Variants in IRF7 observed in about 807,000 individuals in gnomAD.
IRF7 encodes the protein interferon regulatory factor 7.
Under a neutral mutation model 51.3 loss-of-function variants are expected in IRF7, and 67 were observed. That is an observed-to-expected ratio of 1.31 (90% CI 1.07 to 1.60). IRF7 has a LOEUF of 1.60. IRF7 is among the 40% of genes most tolerant of loss of function. IRF7 has a pLI of 0.00. For missense variants in IRF7, 873 were observed against 701.5 expected (o/e 1.24, Z -2.76); for synonymous variants, 427 against 301.3 (o/e 1.42, Z -4.32).
intron 7 of IRF7, 38 bp from the exon 8 acceptor site, chr11:613,903 C>T (rs761923695): frequency 5.6e-6 from 9 of 1,598,752 alleles, no homozygotes; most frequent in African/African-American, 2.7e-5. Context: ...GCACCTCATC[C>T]CTAGCCTCTC....
At position 615,117 on chromosome 11, in the gene IRF7, C is replaced by T. The variant is rs1196559888; in HGVS notation, c.163G>A (p.Ala55Thr). The change falls in exon 3 of 11, where the codon GCC becomes ACC. Residue 55 changes from alanine (A) to threonine (T), a missense_variant. By Grantham distance (58) the Ala-to-Thr change is moderately conservative. Coordinates refer to ENST00000525445, the MANE Select transcript of IRF7 (RefSeq NM_001572.5). The stretch of plus-strand genomic sequence containing the variant: ...CCCACCTTGAAGATGCGCGCGTCGG[C>T]CTCGCTCAGGTCCTTGCGCGCGAAG... ...KHFARKDLSE[A>T]DARIFKAWAV... 6.9e-6 allele frequency: 11 copies of T among 1,597,172 alleles called. No individual in the cohort carries two copies. The East Asian group carries it at 2.2e-4, about 33-fold the overall frequency.
chr11:614,585 C>T (rs370042348), intron 4 of IRF7, 51 bp from the exon 5 acceptor site: 4 of 1,542,096 alleles, frequency 2.6e-6, no homozygotes, highest in African/African-American at 1.4e-5. Context: ...GTGAGAGATA[C>T]AAGGAGAGCC....
intron 8 of IRF7, 48 bp downstream of exon 8, chr11:613,737 T>G (rs766069242): frequency 4.0e-6 from 4 of 1,000,066 alleles, no homozygotes; most frequent in Admixed American, 7.0e-5. Flanking sequence ...AAGCCGTGAG[T>G]GACGGGGGTG....
intron 3 of IRF7, 22 bp from the exon 4 acceptor site, chr11:615,029 G>C: frequency 1.3e-6 from 2 of 1,546,262 alleles, no homozygotes; most frequent in Non-Finnish European, 1.7e-6. Context: ...GACAGAACAC[G>C]TGTGCCGGGC....
chr11:613,829 T>TCTGCCTGGTGC lies in IRF7; in HGVS notation c.792_802dup (p.Glu268GlyfsTer28). 1 of 1,592,960 alleles carries TCTGCCTGGTGC rather than the reference T, an allele frequency of 6.3e-7. No individual in the cohort carries two copies. The highest frequency in any genetic ancestry group is 8.5e-7 in the Non-Finnish European group (1 of 1,173,098). On this transcript the variant is annotated frameshift_variant, in exon 8 of 11. Transcript: ENST00000525445. LOFTEE classifies it high-confidence loss of function. Reference sequence around the variant, plus strand: ...GCTTGGGGAGGGTGACAGGTACGGCTCTGCCTGGTGCGGGGACTCTGGGGC... The same window carrying TCTGCCTGGTGC: ...GCTTGGGGAGGGTGACAGGTACGGCTCTGCCTGGTGCCTGCCTGGTGCGGGGACTCTGGGGC...
At position 614,343 on chromosome 11, in the gene IRF7, G is replaced by T. The variant is rs747395854; in HGVS notation, c.510C>A (p.Gly170=). ...AHTHAGLQAP[G]PLPAPAGDKG... ...TGTCACCAGCTGGGGCAGGGAGGGG[G>T]CCTGGGGCTTGGAGTCCAGCATGTG... Residue 170 remains glycine (G), a synonymous_variant, in exon 6 of 11, where the codon GGC becomes GGA. Coordinates refer to ENST00000525445, the MANE Select transcript of IRF7 (RefSeq NM_001572.5). 6.2e-7 allele frequency: 1 copy of T among 1,610,662 alleles called. No homozygotes were observed. The highest frequency in any genetic ancestry group is 8.5e-7 in the Non-Finnish European group (1 of 1,179,244).
rs751249139 is a variant in IRF7 at position 613,444 on chromosome 11, G to A, written c.999C>T (p.Ser333=). Residue 333 remains serine, a synonymous_variant, in exon 9 of 11, where the codon AGC becomes AGT. Transcript: ENST00000525445. ...ATDPQQVAFP[S]PAELPDQKQL... Reference sequence around the variant, plus strand: ...GCTTCTGGTCCGGGAGCTCGGCAGGGCTGGGGAATGCTACCTGCTGGGGGT... The same window carrying A: ...GCTTCTGGTCCGGGAGCTCGGCAGGACTGGGGAATGCTACCTGCTGGGGGT... 3 of 1,553,878 alleles carry A rather than the reference G, an allele frequency of 1.9e-6. No homozygotes were observed. Among genetic ancestry groups the A allele is most frequent in the Admixed American group, 3.9e-5 (2 of 51,212 alleles).
Position 614,814 on chromosome 11 carries a change from C to CG in IRF7, c.376dup (p.Arg126ProfsTer15). 1 of 1,550,172 alleles carries CG rather than the reference C, an allele frequency of 6.5e-7. No individual in the cohort carries two copies. Among genetic ancestry groups the CG allele is most frequent in the Non-Finnish European group, 8.7e-7 (1 of 1,148,292 alleles). On this transcript the variant is annotated frameshift_variant, in exon 4 of 11. Coordinates refer to ENST00000525445, the MANE Select transcript of IRF7 (RefSeq NM_001572.5). LOFTEE classifies it high-confidence loss of function. ...TCGCTCACCTCGCCAGCACAGCTCCCGGCTGAGCGCGTACACCTTGTGCGG... is the reference window on the plus strand; with the variant it reads ...TCGCTCACCTCGCCAGCACAGCTCCCGGGCTGAGCGCGTACACCTTGTGCGG...
In IRF7 at chr11:612,576, A is replaced by G; in HGVS notation, c.*69T>C. On this transcript the variant is annotated 3_prime_UTR_variant, in exon 11 of 11. Transcript: ENST00000525445. Reference sequence around the variant, plus strand: ...TACGTGTTCTGGAGTTCTTTTTATTAGACTGGGCGGCCGCGGCCAGCTCTA... The same window carrying G: ...TACGTGTTCTGGAGTTCTTTTTATTGGACTGGGCGGCCGCGGCCAGCTCTA... 1.3e-6 allele frequency: 2 copies of G among 1,567,866 alleles called. No individual in the cohort carries two copies. The highest frequency in any genetic ancestry group is 2.2e-5 in the South Asian group (2 of 89,972).
Position 613,325 on chromosome 11 carries a change from T to G in IRF7, c.1118A>C (p.Lys373Thr), listed in dbSNP as rs776600480. The change falls in exon 9 of 11, where the codon AAG (lysine) becomes ACG (threonine). Residue 373 changes from lysine (K) to threonine (T), a missense_variant. Physicochemically the swap from Lys to Thr is moderately conservative, Grantham distance 78. Coordinates refer to ENST00000525445, the MANE Select transcript of IRF7 (RefSeq NM_001572.5). ...GPQLWARRMG[K>T]CKVYWEVGGP... Reference sequence around the variant, plus strand: ...GCCCACCTCCCAGTACACCTTGCACTTGCCCATGCGCCGGGCCCACAGCTG... The same window carrying G: ...GCCCACCTCCCAGTACACCTTGCACGTGCCCATGCGCCGGGCCCACAGCTG... 12 of 1,611,686 alleles carry G rather than the reference T, an allele frequency of 7.4e-6. No homozygotes were observed. Among genetic ancestry groups the G allele is most frequent in the Middle Eastern group, 1.6e-4 (1 of 6,078 alleles).
chr11:612,579 C>G lies in IRF7; in HGVS notation c.*66G>C. The G allele has an allele frequency of 6.3e-7, 1 of 1,576,982 alleles. No homozygotes were observed. Among genetic ancestry groups the G allele is most frequent in the South Asian group, 1.1e-5 (1 of 90,236 alleles). On this transcript the variant is annotated 3_prime_UTR_variant, in exon 11 of 11. Coordinates refer to ENST00000525445, the MANE Select transcript of IRF7 (RefSeq NM_001572.5). ...GTGTTCTGGAGTTCTTTTTATTAGA[C>G]TGGGCGGCCGCGGCCAGCTCTAGGT...
In IRF7 at chr11:614,792, C is replaced by T; in HGVS notation, c.394+5G>A. On this transcript the variant is annotated splice_donor_5th_base_variant and intron_variant, in intron 4 of 10. Transcript: ENST00000525445. ...CCAACGCCCTTGGCAGCCGGCGTCG[C>T]TCACCTCGCCAGCACAGCTCCCGGC... 6.5e-7 allele frequency: 1 copy of T among 1,533,736 alleles called. No individual in the cohort carries two copies. The highest frequency in any genetic ancestry group is 8.8e-7 in the Non-Finnish European group (1 of 1,140,100).
rs1259533157 is a variant in IRF7, at chr11:613,573, G to A, written c.870C>T (p.Asp290=). Residue 290 remains aspartate, a synonymous_variant, in exon 9 of 11, where the codon GAC becomes GAT. Coordinates refer to ENST00000525445, the MANE Select transcript of IRF7 (RefSeq NM_001572.5). ...TGCGGCCCTTGTACATGATGGTCACGTCCAGCGCCCCTGGGCTGGGCTCTG... is the reference window on the plus strand; with the variant it reads ...TGCGGCCCTTGTACATGATGGTCACATCCAGCGCCCCTGGGCTGGGCTCTG... ...AVQEPSPGAL[D]VTIMYKGRTV... is the part of the protein sequence containing the mutation. The A allele has an allele frequency of 6.4e-7, 1 of 1,573,532 alleles. No homozygotes were observed. The highest frequency in any genetic ancestry group is 8.6e-7 in the Non-Finnish European group (1 of 1,162,448).
At position 614,331 on chromosome 11, in the gene IRF7, G is replaced by C. The variant is rs1370426406; in HGVS notation, c.522C>G (p.Ala174=). ...GGAGGTCCCCCTTGTCACCAGCTGG[G>C]GCAGGGAGGGGGCCTGGGGCTTGGA... ...AGLQAPGPLP[A]PAGDKGDLLL... Residue 174 remains alanine, a synonymous_variant, in exon 6 of 11, where the codon GCC becomes GCG. Coordinates refer to ENST00000525445, the MANE Select transcript of IRF7 (RefSeq NM_001572.5). 6.2e-7 allele frequency: 1 copy of C among 1,611,138 alleles called. No individual in the cohort carries two copies. Among genetic ancestry groups the C allele is most frequent in the South Asian group, 1.1e-5 (1 of 90,758 alleles).
intron 1 of IRF7, 105 bp from the exon 2 acceptor site, chr11:615,752 C>T (rs1459802898): frequency 2.7e-5 from 7 of 257,902 alleles, no homozygotes; most frequent in Admixed American, 5.4e-5. Flanking sequence ...CCGTCCGGTT[C>T]TCAGCTCCGC....
Position 614,194 on chromosome 11 carries a change from A to C in IRF7, c.659T>G (p.Leu220Arg). ...CACACCTCCAGCACAGGCCCCAGTCAGGGGAAGCCCTTCTTGTCCCTCTCC... is the reference window on the plus strand; with the variant it reads ...CACACCTCCAGCACAGGCCCCAGTCCGGGGAAGCCCTTCTTGTCCCTCTCC... ...APGEGQEGLP[L>R]TGACAGGPGL... Residue 220 changes from leucine (L) to arginine (R), a missense_variant, in exon 6 of 11, where the codon CTG becomes CGG. Leu to Arg is a moderately radical substitution (Grantham distance 102). Transcript: ENST00000525445. 6.2e-7 allele frequency: 1 copy of C among 1,612,324 alleles called. No homozygotes were observed. Among genetic ancestry groups the C allele is most frequent in the South Asian group, 1.1e-5 (1 of 91,042 alleles).
rs1489281593 is a variant in IRF7, at chr11:614,407, G to A, written c.454-8C>T. ...TGGCCCTGGGGGCCCACCCTGCAGGGAAAAGTCAGGGTGAACGTAAGCAGC... is the reference window on the plus strand; with the variant it reads ...TGGCCCTGGGGGCCCACCCTGCAGGAAAAAGTCAGGGTGAACGTAAGCAGC... On this transcript the variant is annotated splice_polypyrimidine_tract_variant and splice_region_variant and intron_variant, in intron 5 of 10. Transcript: ENST00000525445. 1 of 1,596,838 alleles carries A rather than the reference G, an allele frequency of 6.3e-7. No individual in the cohort carries two copies. The highest frequency in any genetic ancestry group is 1.7e-5 in the Admixed American group (1 of 57,318).
At chr11:613,925 G>A in intron 7 of IRF7, 26 bp downstream of exon 7, 1 of 1,602,134 alleles carries the variant, frequency 6.2e-7, no homozygotes, top group Non-Finnish European at 8.5e-7. Flanking sequence ...CTGTGCCCCA[G>A]GCCTCCCAAC....
rs1856757340 is a variant in IRF7 at position 615,080 on chromosome 11, G to A, written c.183+17C>T. On this transcript the variant is annotated intron_variant, in intron 3 of 10. Coordinates refer to ENST00000525445, the MANE Select transcript of IRF7 (RefSeq NM_001572.5). ...CGGGCTCTCCCACCCGGGGCGGGGC[G>A]GGGCTGGGGTCCCCACCTTGAAGAT... 6.4e-7 allele frequency: 1 copy of A among 1,569,078 alleles called. No individual in the cohort carries two copies. Among genetic ancestry groups the A allele is most frequent in the African/African-American group, 1.3e-5 (1 of 74,148 alleles).
Sources: allele counts gnomAD v4.1 joint callset, GRCh38; gene constraint gnomAD v4.1.1; transcripts MANE v1.5; gene names NCBI Gene and HGNC (gene_info 2026-07-23, HGNC 2026-07-21).